FAT3: variants seen among roughly 807,000 people sequenced by gnomAD.
FAT3 encodes the protein protocadherin Fat 3.
A neutral mutation model predicts 310.2 loss-of-function variants in FAT3; 95 were observed. The observed-to-expected ratio is 0.31, with a 90% confidence interval of 0.26 to 0.36. The LOEUF (loss-of-function observed/expected upper bound fraction) is 0.36, where lower values mean the gene tolerates loss of function less well. FAT3 is among the 10% of genes least tolerant of loss of function. The pLI is 1.00. For synonymous variants in FAT3, 2,314 were observed against 2,192.9 expected, an observed-to-expected ratio of 1.06 and a Z score of -1.54; for missense variants, 5,408 against 5,715.6, an observed-to-expected ratio of 0.95 and a Z score of 1.74.
chr11:92,756,503 G>T (rs1024267445), intron 4 of FAT3, among the ~76,000 whole-genome samples: 1 of 152,158 alleles, frequency 6.6e-6, no homozygotes, highest in African/African-American at 2.4e-5. Context: ...CAATAGCCTG[G>T]AAATAATCAT....
chr11:92,374,026 A>AGAGG (rs1565267768), intron 2 of FAT3, among the ~76,000 whole-genome samples: 1 of 124,132 alleles, frequency 8.1e-6, no homozygotes, highest in African/African-American at 4.1e-5. Flanking sequence ...TCAGACAGAG[A>AGAGG]GAGGGAGAGA....
chr11:92,712,256 C>T (rs1041683299), intron 4 of FAT3, among the ~76,000 whole-genome samples: 2 of 152,098 alleles, frequency 1.3e-5, no homozygotes, highest in Non-Finnish European at 2.9e-5. Context: ...TCTCCCGCCA[C>T]ACATCCCCCA....
At chr11:92,402,646 T>G (rs1046965304) in intron 2 of FAT3, among the ~76,000 whole-genome samples, 4 of 150,698 alleles carry the variant, frequency 2.7e-5, no homozygotes, top group African/African-American at 9.8e-5. Context: ...GGTGGGAGGA[T>G]CACTTGACCT....
chr11:92,461,575 G>T (rs1313022009), intron 2 of FAT3, among the ~76,000 whole-genome samples: 1 of 152,080 alleles, frequency 6.6e-6, no homozygotes, highest in Admixed American at 6.6e-5. Context: ...TGACATTTAA[G>T]TTCACACCTG....
chr11:92,496,387 G>T (rs1363223614), intron 2 of FAT3, among the ~76,000 whole-genome samples: 1 of 151,744 alleles, frequency 6.6e-6, no homozygotes, highest in Non-Finnish European at 1.5e-5. Context: ...TCTAACCTGG[G>T]ACCACACTTT....
chr11:92,417,800 C>G lies in FAT3; in HGVS notation c.3292+62396C>G, dbSNP rs146968615. The stretch of plus-strand genomic sequence containing the variant: ...CAACAAAACACATTAAGTAATAGAC[C>G]CTGACTTTCCTGATTATTAACACAG... On this transcript the variant is annotated intron_variant, in intron 2 of 27. Coordinates refer to ENST00000525166, the MANE Select transcript of FAT3 (RefSeq NM_001367949.2). Among the ~76,000 whole-genome samples, 469 of 152,186 alleles carry G rather than the reference C, an allele frequency of 3.1e-3. 1 individual carries two copies. The highest frequency in any genetic ancestry group is 4.9e-3 in the Non-Finnish European group (330 of 67,996).
Position 92,866,743 on chromosome 11 carries a change from T to G in FAT3, c.11661T>G (p.Ile3887Met). 1 of 1,611,954 alleles carries G rather than the reference T, an allele frequency of 6.2e-7. No homozygotes were observed. Among genetic ancestry groups the G allele is most frequent in the Non-Finnish European group, 8.5e-7 (1 of 1,178,980 alleles). ...TGCACTGTTCCTTCCCCACGCAGAT[T>G]GTGGATGGCAAGCTGTGGTTCCAGC... ...TRANPCIILK[I>M]VDGKLWFQLD... Residue 3887 changes from isoleucine to methionine, a missense_variant and splice_region_variant, in exon 22 of 28, where the codon ATT becomes ATG. Around this residue, in one of 5 missense-constraint regions of FAT3, gnomAD observed 4,588 missense variants for 4,809.8 expected, o/e 0.95. Transcript: ENST00000525166.
Position 92,353,349 on chromosome 11 carries a change from C to T in FAT3, c.1237C>T (p.Pro413Ser). The T allele has an allele frequency of 3.1e-6, 5 of 1,613,524 alleles. No homozygotes were observed. Among genetic ancestry groups the T allele is most frequent in the South Asian group, 1.1e-5 (1 of 91,018 alleles). ...EPIDVEYKLS[P>S]GEDAVYFKIN... Reference sequence around the variant, plus strand: ...GATAGATGTGGAATACAAATTATCTCCTGGTGAGGATGCAGTGTACTTTAA... The same window carrying T: ...GATAGATGTGGAATACAAATTATCTTCTGGTGAGGATGCAGTGTACTTTAA... The change falls in exon 2 of 28, where the codon CCT becomes TCT. Residue 413 changes from proline (P) to serine (S), a missense_variant. This residue lies in a region of FAT3 where 4,588 missense variants were observed against 4,809.8 expected (regional missense o/e 0.95). Coordinates refer to ENST00000525166, the MANE Select transcript of FAT3 (RefSeq NM_001367949.2).
intron 21 of FAT3, among the ~76,000 whole-genome samples, chr11:92,863,802 T>G (rs992885765): frequency 2.0e-5 from 3 of 152,202 alleles, no homozygotes; most frequent in Non-Finnish European, 4.4e-5. Context: ...AACATAGACA[T>G]GAAAAGACAG....
chr11:92,290,730 C>T (rs763926740), intron 1 of FAT3, among the ~76,000 whole-genome samples: 2 of 151,516 alleles, frequency 1.3e-5, no homozygotes, highest in African/African-American at 4.9e-5. Flanking sequence ...TGCCACTACA[C>T]TCCAGCCTGG....
intron 9 of FAT3, among the ~76,000 whole-genome samples, chr11:92,797,184 G>A (rs1947199340): frequency 6.6e-6 from 1 of 152,150 alleles, no homozygotes; most frequent in African/African-American, 2.4e-5. Context: ...GAGAAGTCAG[G>A]AAAATTCATC....
At chr11:92,808,265 G>T (rs775526427) in intron 12 of FAT3, among the ~76,000 whole-genome samples, 5 of 152,178 alleles carry the variant, frequency 3.3e-5, no homozygotes, top group Non-Finnish European at 7.3e-5. Flanking sequence ...AATGAAATGA[G>T]TGTTCAGGAG....
At chr11:92,708,051 T>A (rs1417608054) in intron 4 of FAT3, among the ~76,000 whole-genome samples, 1 of 152,194 alleles carries the variant, frequency 6.6e-6, no homozygotes, top group Non-Finnish European at 1.5e-5. Flanking sequence ...ACCAACCTCA[T>A]CTATTTTGTG....
At chr11:92,537,112 T>G (rs1954285388) in intron 3 of FAT3, among the ~76,000 whole-genome samples, 1 of 152,164 alleles carries the variant, frequency 6.6e-6, no homozygotes, top group African/African-American at 2.4e-5. Flanking sequence ...ATAATGGCCT[T>G]TCATACATGC....
chr11:92,293,033 GA>G (rs1170004837), intron 1 of FAT3, among the ~76,000 whole-genome samples: 1 of 84,264 alleles, frequency 1.2e-5, no homozygotes, highest in African/African-American at 4.7e-5. Context: ...AGGAAGGAAG[GA>G]AGGAAGGAAG....
chr11:92,826,559 G>T (rs1385481375), intron 13 of FAT3, among the ~76,000 whole-genome samples: 2 of 152,170 alleles, frequency 1.3e-5, no homozygotes, highest in African/African-American at 4.8e-5. Flanking sequence ...CAGAATGTAT[G>T]AGGTAGAGAC....
intron 18 of FAT3, among the ~76,000 whole-genome samples, chr11:92,842,653 C>T (rs1948581527): frequency 6.6e-6 from 1 of 152,180 alleles, no homozygotes; most frequent in Non-Finnish European, 1.5e-5. Flanking sequence ...AGGAGGATTG[C>T]TTGTGCTCAA....
chr11:92,428,420 T>C (rs1950688632), intron 2 of FAT3, among the ~76,000 whole-genome samples: 3 of 152,290 alleles, frequency 2.0e-5, no homozygotes, highest in East Asian at 3.9e-4. Flanking sequence ...TTTCTTCTGC[T>C]AGCTTTTGTA....
At chr11:92,655,755 T>C (rs1942558258) in intron 3 of FAT3, among the ~76,000 whole-genome samples, 1 of 152,118 alleles carries the variant, frequency 6.6e-6, no homozygotes, top group East Asian at 1.9e-4. Flanking sequence ...CTATTCAACG[T>C]TCCTTTATTG....
Sources: gnomAD v4.1 joint callset for allele counts (sites outside exome capture counted in the v4.1 genomes callset) on GRCh38, gnomAD v4.1.1 for gene constraint, gnomAD v4.1.1 regional missense constraint, MANE v1.5 for transcripts, NCBI Gene and HGNC (gene_info 2026-07-23, HGNC 2026-07-21) for gene names.